Variants in SLIT1 observed in about 807,000 individuals in gnomAD.
SLIT1 encodes slit homolog 1 protein.
A neutral mutation model predicts 186.1 loss-of-function variants in SLIT1; 66 were observed. The observed-to-expected ratio is 0.35, with a 90% CI of 0.29 to 0.44. The LOEUF (loss-of-function observed/expected upper bound fraction) is 0.44, where lower values mean the gene tolerates loss of function less well. SLIT1 is among the 20% of genes least tolerant of loss of function. The pLI is 1.00. For synonymous variants in SLIT1, 761 were observed against 833.8 expected (o/e 0.91, Z 1.50); for missense variants, 1,638 against 2,037.4 (o/e 0.80, Z 3.77).
intron 4 of SLIT1, among the ~76,000 whole-genome samples, chr10:97,083,390 C>T (rs1356460703): frequency 6.6e-6 from 1 of 152,072 alleles, no homozygotes; most frequent in African/African-American, 2.4e-5. Context: ...AACTGACGGG[C>T]AAGTGTGTGG....
At chr10:97,153,193 A>C (rs1305961211) in intron 4 of SLIT1, 1 of 152,182 alleles carries the variant, frequency 6.6e-6, no homozygotes, top group African/African-American at 2.4e-5. Context: ...CTGTGGTCCA[A>C]GGCAAATCAC....
At chr10:97,161,026 G>T (rs1056826672) in intron 3 of SLIT1, among the ~76,000 whole-genome samples, 2 of 152,110 alleles carry the variant, frequency 1.3e-5, no homozygotes, top group African/African-American at 4.8e-5. Flanking sequence ...TGCCTGGCTG[G>T]TATGTGTGGT....
intron 4 of SLIT1, among the ~76,000 whole-genome samples, chr10:97,083,358 G>A (rs759385728): frequency 2.0e-5 from 3 of 152,178 alleles, no homozygotes; most frequent in South Asian, 4.1e-4. Context: ...TGCTACACAG[G>A]CACAGCACAT....
chr10:97,131,983 A>G (rs1011554525), intron 4 of SLIT1, among the ~76,000 whole-genome samples: 2 of 152,218 alleles, frequency 1.3e-5, no homozygotes, highest in African/African-American at 4.8e-5. Flanking sequence ...TAACAGCTGT[A>G]TAAGTGAAAT....
In SLIT1 at chr10:96,999,077, C is replaced by G. The variant is rs1848276287; in HGVS notation, c.*2035G>C. On this transcript the variant is annotated 3_prime_UTR_variant, in exon 37 of 37. Coordinates refer to ENST00000266058, the MANE Select transcript of SLIT1 (RefSeq NM_003061.3). ...CTGCCCTTGAGCTTTTCTGCCCTAT[C>G]CAGCCCGGTGCAGATGCTCTGCAGG... 6.6e-6 allele frequency: 1 copy of G among 152,284 alleles called. No individual in the cohort carries two copies. The highest frequency in any genetic ancestry group is 1.5e-5 in the Non-Finnish European group (1 of 68,100). The allele number at this position is 152,284 out of a possible 1,614,324, so 9.4% of individuals were successfully genotyped here. A position where few individuals can be genotyped will look rare whatever the true frequency, so the allele number is the denominator to read the frequency against.
At chr10:97,012,513 T>C (rs954821915) in intron 30 of SLIT1, among the ~76,000 whole-genome samples, 1 of 152,170 alleles carries the variant, frequency 6.6e-6, no homozygotes, top group Non-Finnish European at 1.5e-5. Flanking sequence ...CTAAGCACAA[T>C]GCTTGCCCTT....
intron 4 of SLIT1, among the ~76,000 whole-genome samples, chr10:97,110,720 G>A (rs1849456795): frequency 6.6e-6 from 1 of 152,216 alleles, no homozygotes. Flanking sequence ...TCCCTCTGGA[G>A]CTGAGGCTGG....
intron 18 of SLIT1, among the ~76,000 whole-genome samples, chr10:97,046,439 C>T (rs1340525429): frequency 3.3e-5 from 5 of 152,262 alleles, no homozygotes; most frequent in Non-Finnish European, 7.3e-5. Flanking sequence ...GCCAACTGGG[C>T]ATTGGCCCCA....
At position 96,998,138 on chromosome 10, in the gene SLIT1, G is replaced by A. The variant is rs1848263789; in HGVS notation, c.*2974C>T. On this transcript the variant is annotated 3_prime_UTR_variant, in exon 37 of 37. Transcript: ENST00000266058. Reference sequence around the variant, plus strand: ...GCAGGTGCAGCTCCCTCATGGGCCTGTTCTAAACCAGCCTCTAGGAGTTGA... The same window carrying A: ...GCAGGTGCAGCTCCCTCATGGGCCTATTCTAAACCAGCCTCTAGGAGTTGA... 1 of 152,244 alleles carries A rather than the reference G, an allele frequency of 6.6e-6. No homozygotes were observed. The highest frequency in any genetic ancestry group is 6.5e-5 in the Admixed American group (1 of 15,284). 9.4% of individuals were successfully genotyped at this position (152,244 alleles called of 1,614,324 possible).
intron 25 of SLIT1, among the ~76,000 whole-genome samples, chr10:97,024,124 A>G (rs1002113141): frequency 1.3e-5 from 2 of 152,230 alleles, no homozygotes; most frequent in African/African-American, 4.8e-5. Flanking sequence ...GAATGGGCAC[A>G]TTTACTAAAT....
intron 1 of SLIT1, among the ~76,000 whole-genome samples, chr10:97,169,829 C>G (rs1441550376): frequency 1.3e-5 from 2 of 152,252 alleles, no homozygotes; most frequent in African/African-American, 4.8e-5. Context: ...TGATCTCCAA[C>G]TTGCTGAGGA....
intron 26 of SLIT1, among the ~76,000 whole-genome samples, chr10:97,020,331 T>G (rs1305891289): frequency 6.6e-6 from 1 of 152,178 alleles, no homozygotes; most frequent in Non-Finnish European, 1.5e-5. Flanking sequence ...TTGTGAAACT[T>G]CAGCAACCCA....
chr10:97,116,346 C>T (rs1351729090), intron 4 of SLIT1, among the ~76,000 whole-genome samples: 2 of 152,228 alleles, frequency 1.3e-5, no homozygotes, highest in African/African-American at 2.4e-5. Context: ...CTGAGCTAGC[C>T]GAAGCCCACT....
intron 13 of SLIT1, among the ~76,000 whole-genome samples, chr10:97,051,300 G>A (rs1351896756): frequency 1.3e-5 from 2 of 152,074 alleles, no homozygotes; most frequent in Non-Finnish European, 2.9e-5. Context: ...TGTTGGTGAG[G>A]CTGAGAATGA....
chr10:97,040,666 A>G (rs868079116), intron 20 of SLIT1, among the ~76,000 whole-genome samples: 1 of 152,234 alleles, frequency 6.6e-6, no homozygotes, highest in African/African-American at 2.4e-5. Context: ...TGGAGACGTT[A>G]GGCACCTTGC....
rs113260206 is a variant in SLIT1 at position 97,149,283 on chromosome 10, G to A, written c.413+8535C>T. Reference sequence around the variant, plus strand: ...CCCGTGCCGGCCCAGTGGGACGCTCGCCTCTTTCACTTGAGCCTTGACAGC... The same window carrying A: ...CCCGTGCCGGCCCAGTGGGACGCTCACCTCTTTCACTTGAGCCTTGACAGC... On this transcript the variant is annotated intron_variant, in intron 4 of 36. Coordinates refer to ENST00000266058, the MANE Select transcript of SLIT1 (RefSeq NM_003061.3). Among the ~76,000 whole-genome samples, 459 of 152,330 alleles carry A rather than the reference G, an allele frequency of 3.0e-3. 3 individuals are homozygous for A. The highest frequency in any genetic ancestry group is 0.011 in the African/African-American group (441 of 41,570).
intron 4 of SLIT1, among the ~76,000 whole-genome samples, chr10:97,123,250 G>A (rs1849575489): frequency 6.6e-6 from 1 of 152,226 alleles, no homozygotes; most frequent in Non-Finnish European, 1.5e-5. Context: ...CACATGTCAA[G>A]TAGCTTTTCC....
chr10:97,178,073 G>C (rs1011542363), intron 1 of SLIT1, among the ~76,000 whole-genome samples: 7 of 152,232 alleles, frequency 4.6e-5, no homozygotes, highest in African/African-American at 9.6e-5. Context: ...ACAAATGATG[G>C]AGTTGCAAAA....
chr10:97,038,248 C>A (rs906288974), intron 21 of SLIT1, among the ~76,000 whole-genome samples: 1 of 152,188 alleles, frequency 6.6e-6, no homozygotes, highest in Admixed American at 6.5e-5. Context: ...TGCCTTCCTG[C>A]CTTCCAGGCT....
Sources: gnomAD v4.1 joint callset for allele counts (sites outside exome capture counted in the v4.1 genomes callset) on GRCh38, gnomAD v4.1.1 for gene constraint, MANE v1.5 for transcripts, NCBI Gene and HGNC (gene_info 2026-07-23, HGNC 2026-07-21) for gene names.